Variants in RHOJ observed in about 807,000 individuals in gnomAD.
The protein encoded by RHOJ is ras homolog family member J, also known as rho-related GTP-binding protein RhoJ.
A neutral mutation model predicts 23.4 loss-of-function variants in RHOJ; 11 were observed. The ratio of observed to expected loss-of-function variants is 0.47; its 90% CI spans 0.30 to 0.78. RHOJ has a LOEUF of 0.78. RHOJ is among the 30% of genes least tolerant of loss of function. The pLI, the probability that RHOJ is intolerant of heterozygous loss-of-function variation, is 0.08. For synonymous variants in RHOJ, 102 were observed against 102.7 expected (o/e 0.99, Z 0.04); for missense variants, 254 against 273.4 (o/e 0.93, Z 0.50).
chr14:63,272,110 C>T (rs1248807539), intron 2 of RHOJ, among the ~76,000 whole-genome samples: 3 of 126,602 alleles, frequency 2.4e-5, no homozygotes, highest in Non-Finnish European at 4.6e-5. Context: ...TTGAGAAGCA[C>T]TACCTAAACG....
At chr14:63,234,643 A>G (rs1022080370) in intron 1 of RHOJ, among the ~76,000 whole-genome samples, 15 of 152,166 alleles carry the variant, frequency 9.9e-5, no homozygotes, top group African/African-American at 3.4e-4. Flanking sequence ...ATAATTATAT[A>G]GTTTTTCATA....
intron 1 of RHOJ, among the ~76,000 whole-genome samples, chr14:63,253,747 A>T (rs1895113381): frequency 1.3e-5 from 2 of 152,224 alleles, no homozygotes; most frequent in Non-Finnish European, 2.9e-5. Flanking sequence ...AGAAGATCTG[A>T]TCCTTGCAGC....
At chr14:63,273,429 G>A (rs1324272266) in intron 2 of RHOJ, among the ~76,000 whole-genome samples, 1 of 152,202 alleles carries the variant, frequency 6.6e-6, no homozygotes, top group African/African-American at 2.4e-5. Flanking sequence ...GAGTCCCAGA[G>A]CTGACTTTCC....
intron 1 of RHOJ, among the ~76,000 whole-genome samples, chr14:63,239,387 C>G (rs1284506682): frequency 6.6e-6 from 1 of 152,176 alleles, no homozygotes; most frequent in East Asian, 1.9e-4. Context: ...GCTAGGATTA[C>G]AGGCATGAGC....
At chr14:63,240,075 T>C (rs952459131) in intron 1 of RHOJ, among the ~76,000 whole-genome samples, 1 of 152,180 alleles carries the variant, frequency 6.6e-6, no homozygotes, top group African/African-American at 2.4e-5. Context: ...TATGGTAGAA[T>C]GAGAAAATGA....
intron 1 of RHOJ, among the ~76,000 whole-genome samples, chr14:63,241,837 A>AT (rs1473723814): frequency 6.6e-6 from 1 of 152,220 alleles, no homozygotes; most frequent in Non-Finnish European, 1.5e-5. Flanking sequence ...TAAGGACACT[A>AT]TTTTTCAAAG....
At chr14:63,221,204 G>A (rs76710795) in intron 1 of RHOJ, among the ~76,000 whole-genome samples, 5,182 of 152,176 alleles carry the variant, frequency 0.034, 161 homozygotes, top group African/African-American at 0.081. Context: ...GTGGTGCATG[G>A]TTGTGGTCCT....
At chr14:63,246,629 T>C (rs1894980535) in intron 1 of RHOJ, among the ~76,000 whole-genome samples, 1 of 152,256 alleles carries the variant, frequency 6.6e-6, no homozygotes, top group African/African-American at 2.4e-5. Flanking sequence ...ATTATTCATA[T>C]GATTCTCTCT....
At chr14:63,234,187 T>C (rs1894746313) in intron 1 of RHOJ, among the ~76,000 whole-genome samples, 1 of 152,252 alleles carries the variant, frequency 6.6e-6, no homozygotes, top group African/African-American at 2.4e-5. Context: ...ATTCCCATAC[T>C]ATGATTCCTT....
At chr14:63,237,592 A>G (rs539147593) in intron 1 of RHOJ, among the ~76,000 whole-genome samples, 3 of 152,194 alleles carry the variant, frequency 2.0e-5, no homozygotes, top group Non-Finnish European at 4.4e-5. Flanking sequence ...AAACTCCAAT[A>G]CACACTTGTT....
chr14:63,229,800 A>T (rs1894657527), intron 1 of RHOJ, among the ~76,000 whole-genome samples: 1 of 152,172 alleles, frequency 6.6e-6, no homozygotes, highest in Non-Finnish European at 1.5e-5. Flanking sequence ...TGGTAACTTC[A>T]TTGCATCTGC....
At chr14:63,261,979 C>T (rs986805354) in intron 1 of RHOJ, among the ~76,000 whole-genome samples, 6 of 152,290 alleles carry the variant, frequency 3.9e-5, no homozygotes, top group Admixed American at 2.6e-4. Flanking sequence ...CACAGTCAGG[C>T]ATGCCTCATT....
At chr14:63,227,522 A>G (rs1455345149) in intron 1 of RHOJ, among the ~76,000 whole-genome samples, 1 of 152,234 alleles carries the variant, frequency 6.6e-6, no homozygotes, top group Non-Finnish European at 1.5e-5. Context: ...ATATAGAAAA[A>G]CAAAACAAAC....
intron 1 of RHOJ, among the ~76,000 whole-genome samples, chr14:63,226,377 A>C (rs1397178627): frequency 2.0e-5 from 3 of 152,088 alleles, no homozygotes; most frequent in Non-Finnish European, 4.4e-5. Flanking sequence ...AAAGAATTAG[A>C]AGGAAATATA....
At chr14:63,205,700 G>A (rs1171603883) in intron 1 of RHOJ, among the ~76,000 whole-genome samples, 1 of 152,172 alleles carries the variant, frequency 6.6e-6, no homozygotes, top group Non-Finnish European at 1.5e-5. Context: ...TCACTTTAAA[G>A]TATGTCCTGA....
At chr14:63,244,613 T>C (rs1360957494) in intron 1 of RHOJ, among the ~76,000 whole-genome samples, 1 of 151,992 alleles carries the variant, frequency 6.6e-6, no homozygotes, top group African/African-American at 2.4e-5. Context: ...CTGTTGAAAA[T>C]TGTCATCTTT....
At chr14:63,227,981 C>T (rs1894625296) in intron 1 of RHOJ, among the ~76,000 whole-genome samples, 1 of 152,034 alleles carries the variant, frequency 6.6e-6, no homozygotes, top group African/African-American at 2.4e-5. Flanking sequence ...CTTTTATGCC[C>T]CGTTAAGTTA....
intron 1 of RHOJ, among the ~76,000 whole-genome samples, chr14:63,232,106 T>C (rs1291720231): frequency 1.3e-5 from 2 of 152,202 alleles, no homozygotes; most frequent in East Asian, 1.9e-4. Flanking sequence ...TCCTGGGGTC[T>C]CTTCCAGGCC....
At chr14:63,242,700 A>AT (rs1429161366) in intron 1 of RHOJ, among the ~76,000 whole-genome samples, 2 of 152,202 alleles carry the variant, frequency 1.3e-5, no homozygotes, top group African/African-American at 4.8e-5. Context: ...GACAATCACC[A>AT]TAAGTTTCTT....
Sources: gnomAD v4.1 joint callset for allele counts (sites outside exome capture counted in the v4.1 genomes callset) on GRCh38, gnomAD v4.1.1 for gene constraint, MANE v1.5 for transcripts, NCBI Gene and HGNC (gene_info 2026-07-23, HGNC 2026-07-21) for gene names.